Variants in FNBP4 observed in about 807,000 individuals in gnomAD.
FNBP4 encodes the protein formin binding protein 4, also known as formin-binding protein 4.
Under a neutral mutation model 119.3 loss-of-function variants are expected in FNBP4, and 34 were observed. That is an observed-to-expected ratio of 0.28 (90% CI 0.22 to 0.38). The LOEUF (loss-of-function observed/expected upper bound fraction) is 0.38, where lower values mean the gene tolerates loss of function less well. Ranked by LOEUF, FNBP4 falls within the 10% of genes least tolerant of loss-of-function variation. The pLI is 1.00. For missense variants in FNBP4, 1,112 were observed against 1,228.9 expected (o/e 0.90, Z 1.42); for synonymous variants, 462 against 430.6 (o/e 1.07, Z -0.90).
intron 6 of FNBP4, among the ~76,000 whole-genome samples, chr11:47,749,013 A>G (rs1299764330): frequency 6.6e-6 from 1 of 152,078 alleles, no homozygotes; most frequent in Non-Finnish European, 1.5e-5. Context: ...AATGTAAGCA[A>G]TTTGGGAGGC....
Position 47,753,081 on chromosome 11 carries a change from G to C in FNBP4, c.472C>G (p.Pro158Ala). 6.2e-7 allele frequency: 1 copy of C among 1,612,780 alleles called. No individual in the cohort carries two copies. Among genetic ancestry groups the C allele is most frequent in the Non-Finnish European group, 8.5e-7 (1 of 1,179,642 alleles). Reference protein sequence around the residue: ...FLAEIDAITAPQPAAPVGASA... With the variant: ...FLAEIDAITAAQPAAPVGASA... ...GCTCCTACAGGAGCTGCAGGCTGAG[G>C]AGCTGTTATGGCATCGATCTCCTTC... The change falls in exon 4 of 17, where the codon CCT (proline) becomes GCT (alanine). Residue 158 changes from proline to alanine, a missense_variant. By Grantham distance (27) the Pro-to-Ala change is conservative (BLOSUM62 -1). This residue lies in a region of FNBP4 where 286 missense variants were observed against 240.1 expected (regional missense o/e 1.19). Transcript: ENST00000263773.
At chr11:47,750,557 C>T (rs1217238902) in intron 6 of FNBP4, among the ~76,000 whole-genome samples, 5 of 150,318 alleles carry the variant, frequency 3.3e-5, no homozygotes, top group South Asian at 2.1e-4. Flanking sequence ...GGTGTGGTAG[C>T]GGGTGCTTGT....
At chr11:47,760,979 T>C (rs908175556) in intron 2 of FNBP4, among the ~76,000 whole-genome samples, 2 of 152,218 alleles carry the variant, frequency 1.3e-5, no homozygotes, top group Admixed American at 1.3e-4. Context: ...AAAAAAACTT[T>C]GCTCAAAGCT....
At chr11:47,720,168 T>C (rs1215612642) in intron 15 of FNBP4, 82 bp from the exon 16 acceptor site, 1 of 1,342,430 alleles carries the variant, frequency 7.4e-7, no homozygotes, top group Non-Finnish European at 1.0e-6. Context: ...TCAGGATCCT[T>C]TTCCCAGTTC....
intron 12 of FNBP4, among the ~76,000 whole-genome samples, chr11:47,730,901 T>C (rs1313509585): frequency 1.3e-5 from 2 of 152,262 alleles, no homozygotes; most frequent in Non-Finnish European, 2.9e-5. Context: ...CAAGTACTAA[T>C]GGCATTTCTT....
intron 6 of FNBP4, among the ~76,000 whole-genome samples, chr11:47,749,279 G>A (rs1565152480): frequency 6.7e-6 from 1 of 149,228 alleles, no homozygotes; most frequent in Non-Finnish European, 1.5e-5. Context: ...TCAAAAATAA[G>A]TAAATAAAAA....
chr11:47,748,194 G>A (rs1376563077), intron 6 of FNBP4, among the ~76,000 whole-genome samples: 4 of 151,316 alleles, frequency 2.6e-5, no homozygotes, highest in Non-Finnish European at 5.9e-5. Context: ...AGCAGAGATC[G>A]CGCCACTGCA....
intron 11 of FNBP4, chr11:47,731,818 C>T (rs2290851): frequency 0.55 from 647,414 of 1,170,916 alleles, 180,418 homozygotes; most frequent in East Asian, 0.67. Flanking sequence ...TTAGAAAACA[C>T]TTTTCTCTTT....
chr11:47,750,185 C>G (rs2097599130), intron 6 of FNBP4, among the ~76,000 whole-genome samples: 1 of 151,634 alleles, frequency 6.6e-6, no homozygotes, highest in Non-Finnish European at 1.5e-5. Flanking sequence ...TTGAGACCAG[C>G]CTGACCAACA....
chr11:47,723,337 T>C, intron 14 of FNBP4, 21 bp from the exon 15 acceptor site: 2 of 1,576,552 alleles, frequency 1.3e-6, no homozygotes, highest in Non-Finnish European at 1.7e-6. Context: ...AAACATAAAA[T>C]GATACTATAA....
In FNBP4 at chr11:47,732,321, A is replaced by G; in HGVS notation, c.1820+216T>C. 3 of 1,419,622 alleles carry G rather than the reference A, an allele frequency of 2.1e-6. No individual in the cohort carries two copies. Among genetic ancestry groups the G allele is most frequent in the Non-Finnish European group, 1.8e-6 (2 of 1,088,470 alleles). The allele number at this position is 1,419,622 out of a possible 1,614,324, so 87.9% of individuals were successfully genotyped here. A position where few individuals can be genotyped will look rare whatever the true frequency, so the allele number is the denominator to read the frequency against. ...AAACCAGCTTTGTCCATATCTTGGGAAAAAATCCGTTACATGGAACACTTT... is the reference window on the plus strand; with the variant it reads ...AAACCAGCTTTGTCCATATCTTGGGGAAAAATCCGTTACATGGAACACTTT... On this transcript the variant is annotated intron_variant, in intron 11 of 16. Coordinates refer to ENST00000263773, the MANE Select transcript of FNBP4 (RefSeq NM_015308.5). The surrounding 1 kb of genome is among the most constrained non-coding windows in gnomAD (Gnocchi z 4.2).
At chr11:47,731,259 A>C (rs1196606865) in intron 12 of FNBP4, 115 bp downstream of exon 12, 5 of 1,027,478 alleles carry the variant, frequency 4.9e-6, no homozygotes, top group Non-Finnish European at 6.9e-6. Flanking sequence ...TCACACCACT[A>C]TTCTCAATCA....
intron 2 of FNBP4, among the ~76,000 whole-genome samples, chr11:47,762,404 C>T (rs1359932140): frequency 2.6e-5 from 4 of 151,956 alleles, no homozygotes; most frequent in Non-Finnish European, 5.9e-5. Context: ...TGGAATTACA[C>T]GCGTGAACCA....
rs187676466 is a variant in FNBP4 at position 47,727,244 on chromosome 11, T to G, written c.2009-2466A>C. ...TTTTTAGAATATGTGAATCCAATACTTTTCTTCTTTTTTTTTTTTTTTTGT... is the reference window on the plus strand; with the variant it reads ...TTTTTAGAATATGTGAATCCAATACGTTTCTTCTTTTTTTTTTTTTTTTGT... On this transcript the variant is annotated intron_variant, in intron 12 of 16. Transcript: ENST00000263773. Among the ~76,000 whole-genome samples the G allele has an allele frequency of 4.3e-3, 637 of 147,302 alleles. 1 individual carries two copies. The highest frequency in any genetic ancestry group is 0.015 in the African/African-American group (622 of 41,022).
intron 6 of FNBP4, among the ~76,000 whole-genome samples, chr11:47,748,171 G>T (rs1028948575): frequency 1.3e-5 from 2 of 151,294 alleles, no homozygotes; most frequent in African/African-American, 4.9e-5. Flanking sequence ...CCCGGGGGGT[G>T]GAGGTTGCAG....
chr11:47,735,039 C>T (rs774451921), intron 9 of FNBP4, among the ~76,000 whole-genome samples: 9 of 138,106 alleles, frequency 6.5e-5, no homozygotes, highest in Non-Finnish European at 1.4e-4. Flanking sequence ...GTTAACAATA[C>T]CTGAAATTTG....
At chr11:47,745,367 A>G (rs2097588345) in intron 7 of FNBP4, among the ~76,000 whole-genome samples, 2 of 152,176 alleles carry the variant, frequency 1.3e-5, no homozygotes, top group South Asian at 4.1e-4. Context: ...CTGGGGAAGG[A>G]ATGCATTCCT....
In FNBP4 at chr11:47,731,549, C is replaced by A. The variant is rs752907064; in HGVS notation, c.1833G>T (p.Arg611=). ...WSCHWDRDHR[R]YFYVNEQSGE... ...CCGACTGTTCGTTTACATAGAAATA[C>A]CGTCTATGATCCCTAAATTACAAGA... The change falls in exon 12 of 17, where the codon CGG becomes CGT. Residue 611 remains arginine (R), a synonymous_variant. Coordinates refer to ENST00000263773, the MANE Select transcript of FNBP4 (RefSeq NM_015308.5). 4.3e-6 allele frequency: 7 copies of A among 1,609,614 alleles called. No homozygotes were observed. The highest frequency in any genetic ancestry group is 5.9e-6 in the Non-Finnish European group (7 of 1,178,870).
chr11:47,737,133 G>A (rs1373820067), intron 8 of FNBP4, among the ~76,000 whole-genome samples: 3 of 152,144 alleles, frequency 2.0e-5, no homozygotes, highest in Non-Finnish European at 4.4e-5. Flanking sequence ...GGAGGTTGCA[G>A]TGAGCCGAGA....
Sources: allele counts gnomAD v4.1 joint callset (sites outside exome capture counted in the v4.1 genomes callset), GRCh38; gene constraint gnomAD v4.1.1; regional missense constraint gnomAD v4.1.1; non-coding constraint Gnocchi (gnomAD v3.1); transcripts MANE v1.5; gene names NCBI Gene and HGNC (gene_info 2026-07-23, HGNC 2026-07-21).